The following FBRS variants were observed in gnomAD, a reference collection of about 807,000 sequenced individuals.
The protein encoded by FBRS is probable fibrosin-1.
Under a neutral mutation model 86.1 loss-of-function variants are expected in FBRS, and 15 were observed. The observed-to-expected ratio is 0.17, with a 90% CI of 0.12 to 0.27. The LOEUF (loss-of-function observed/expected upper bound fraction) is 0.27. Among genes scored for constraint, FBRS ranks in the 10% least tolerant of loss-of-function variants. The pLI is 1.00. For missense variants in FBRS, 1,367 were observed against 1,301.6 expected (o/e 1.05, Z -0.77); for synonymous variants, 666 against 575.8 (o/e 1.16, Z -2.24).
chr16:30,668,602 T>C lies in FBRS; in HGVS notation c.2117T>C (p.Leu706Pro), dbSNP rs1428697748. Residue 706 changes from leucine (L) to proline (P), a missense_variant, in exon 16 of 18, where the codon CTC becomes CCC. Physicochemically the swap from Leu to Pro is moderately conservative, Grantham distance 98 (BLOSUM62 -3). Around this residue, in one of 3 missense-constraint regions of FBRS, gnomAD observed 659 missense variants for 678.8 expected, o/e 0.97. Coordinates refer to ENST00000356166, the MANE Select transcript of FBRS (RefSeq NM_001105079.3). ...ACAAGCTTCGCCTCTTTGGCTGCCCTCTCCAACGGGGCCTTTGGAGGCCTG... is the reference window on the plus strand; with the variant it reads ...ACAAGCTTCGCCTCTTTGGCTGCCCCCTCCAACGGGGCCTTTGGAGGCCTG... Reference protein sequence around the residue: ...RPTSFASLAALSNGAFGGLGS... With the variant: ...RPTSFASLAAPSNGAFGGLGS... 2 of 1,611,394 alleles carry C rather than the reference T, an allele frequency of 1.2e-6. No individual in the cohort carries two copies. Among genetic ancestry groups the C allele is most frequent in the African/African-American group, 2.7e-5 (2 of 74,808 alleles).
chr16:30,664,061 AC>A (rs1166292926), intron 6 of FBRS, among the ~76,000 whole-genome samples, 153 bp from the exon 7 acceptor site: 1 of 151,898 alleles, frequency 6.6e-6, no homozygotes, highest in Non-Finnish European at 1.5e-5. Context: ...CAGTCTGAGA[AC>A]GGATTCCCTC....
chr16:30,668,430 C>T, intron 15 of FBRS, 130 bp from the exon 16 acceptor site: 1 of 771,744 alleles, frequency 1.3e-6, no homozygotes. Context: ...CAAGGAAGTG[C>T]TCAGCACATG....
chr16:30,662,446 C>T lies in FBRS; in HGVS notation c.732C>T (p.Ser244=), dbSNP rs764588157. 1 of 1,550,650 alleles carries T rather than the reference C, an allele frequency of 6.4e-7. No homozygotes were observed. The highest frequency in any genetic ancestry group is 8.7e-7 in the Non-Finnish European group (1 of 1,147,014). Residue 244 remains serine, a synonymous_variant, in exon 5 of 18, where the codon TCC becomes TCT. Coordinates refer to ENST00000356166, the MANE Select transcript of FBRS (RefSeq NM_001105079.3). The stretch of plus-strand genomic sequence containing the variant: ...TCTCCGATGATGACCTCGACCCATC[C>T]TTTACTGTCTCAACCAGCAAAGGTT... ...ERVSDDDLDP[S]FTVSTSKASG... is the part of the protein sequence containing the mutation.
chr16:30,662,358 C>A, intron 4 of FBRS, 62 bp from the exon 5 acceptor site: 1 of 1,548,426 alleles, frequency 6.5e-7, no homozygotes, highest in Non-Finnish European at 8.7e-7. Context: ...GCTATTTGGC[C>A]TTCCTGGGTG....
At position 30,665,465 on chromosome 16, in the gene FBRS, C is replaced by G. The variant is rs562492985; in HGVS notation, c.1704+64C>G. On this transcript the variant is annotated intron_variant, in intron 10 of 17. Coordinates refer to ENST00000356166, the MANE Select transcript of FBRS (RefSeq NM_001105079.3). The surrounding 1 kb of genome is among the most constrained non-coding windows in gnomAD (Gnocchi z 4.1). Reference sequence around the variant, plus strand: ...TTGACAAACCCAGACACGCCGGGTCCAAGCACCCTTCTCCCATTCCCCAAA... The same window carrying G: ...TTGACAAACCCAGACACGCCGGGTCGAAGCACCCTTCTCCCATTCCCCAAA... 2.0e-6 allele frequency: 3 copies of G among 1,478,616 alleles called. No individual in the cohort carries two copies. The highest frequency in any genetic ancestry group is 2.5e-5 in the East Asian group (1 of 40,602). 91.6% of individuals were successfully genotyped at this position (1,478,616 alleles called of 1,614,324 possible). A position where few individuals can be genotyped will look rare whatever the true frequency, so the allele number is the denominator to read the frequency against.
rs2052415875 is a variant in FBRS at position 30,658,768 on chromosome 16, T to G, written c.-751T>G. Reference sequence around the variant, plus strand: ...GGAGCTGGGCCCGGAGGAGGCCCCTTTAAATCTCCTTAAAGGGGTGGCCAC... The same window carrying G: ...GGAGCTGGGCCCGGAGGAGGCCCCTGTAAATCTCCTTAAAGGGGTGGCCAC... On this transcript the variant is annotated 5_prime_UTR_variant, in exon 1 of 18. Transcript: ENST00000356166. The G allele has an allele frequency of 6.6e-6, 1 of 152,166 alleles. No individual in the cohort carries two copies. Among genetic ancestry groups the G allele is most frequent in the Non-Finnish European group, 1.5e-5 (1 of 68,038 alleles). 9.4% of individuals were successfully genotyped at this position (152,166 alleles called of 1,614,324 possible).
In FBRS at chr16:30,664,350, A is replaced by G. The variant is rs2052495486; in HGVS notation, c.1191A>G (p.Ser397=). 2 of 1,487,624 alleles carry G rather than the reference A, an allele frequency of 1.3e-6. No homozygotes were observed. The highest frequency in any genetic ancestry group is 2.6e-5 in the South Asian group (2 of 76,138). The allele number at this position is 1,487,624 out of a possible 1,614,324, so 92.2% of individuals were successfully genotyped here. Residue 397 remains serine (S), a synonymous_variant, in exon 7 of 18, where the codon TCA becomes TCG. Coordinates refer to ENST00000356166, the MANE Select transcript of FBRS (RefSeq NM_001105079.3). ...TCACCCACCGGCCCCCGACGCCCTC[A>G]CTGCCCCTGCCTTTGTCCACCCACA... The part of the protein sequence containing the change: ...AQLTHRPPTP[S]LPLPLSTHSF...
Position 30,660,041 on chromosome 16 carries a change from C to T in FBRS, c.459+64C>T, listed in dbSNP as rs1596612235. ...GAGGGGCAGCAAGGAGGGGGCAGTG[C>T]CCCTAGTGGGTGGAGTTGAGGGGGG... On this transcript the variant is annotated intron_variant, in intron 1 of 17. Transcript: ENST00000356166. 3 of 1,516,852 alleles carry T rather than the reference C, an allele frequency of 2.0e-6. No homozygotes were observed. In the South Asian group the frequency reaches 3.7e-5, roughly 19 times the overall value. 94.0% of individuals were successfully genotyped at this position (1,516,852 alleles called of 1,614,324 possible). A position where few individuals can be genotyped will look rare whatever the true frequency, so the allele number is the denominator to read the frequency against.
chr16:30,663,100 C>A, intron 6 of FBRS: 1 of 637,712 alleles, frequency 1.6e-6, no homozygotes, highest in Non-Finnish European at 2.2e-6. Context: ...TTTTTTCAGG[C>A]AGGCAAGTCT....
Position 30,662,578 on chromosome 16 carries a change from C to T in FBRS, c.774C>T (p.Ala258=). The change falls in exon 6 of 18, where the codon GCC becomes GCT. Residue 258 remains alanine (A), a synonymous_variant. Transcript: ENST00000356166. The part of the protein sequence containing the change: ...STSKASGPHG[A]FNGNCEAKLS... ...CCACAGCCTCGGGCCCCCACGGCGC[C>T]TTCAATGGGAACTGTGAAGCAAAAC... 1.3e-6 allele frequency: 2 copies of T among 1,542,542 alleles called. No individual in the cohort carries two copies. Among genetic ancestry groups the T allele is most frequent in the South Asian group, 1.2e-5 (1 of 83,576 alleles).
intron 2 of FBRS, 102 bp from the exon 3 acceptor site, chr16:30,661,076 TGA>T: frequency 6.6e-7 from 1 of 1,518,632 alleles, no homozygotes; most frequent in Non-Finnish European, 8.9e-7. Context: ...AAGGAGAGGC[TGA>T]GAGTAGATCC....
At position 30,669,078 on chromosome 16, in the gene FBRS, C is replaced by A; in HGVS notation, c.2376C>A (p.Pro792=). The change falls in exon 18 of 18, where the codon CCC becomes CCA. Residue 792 remains proline (P), a synonymous_variant. Coordinates refer to ENST00000356166, the MANE Select transcript of FBRS (RefSeq NM_001105079.3). This position sits in a 1 kb window ranked among gnomAD's most constrained non-coding sequence, Gnocchi z 5.9. ...CACGCCTGCCCTCCAGGGACCTCCC[C>A]TTCTCACGGCCCCAGCTCCGAGTTT... The part of the protein sequence containing the change: ...ITKEEKDRDL[P]FSRPQLRVSP... 6.2e-7 allele frequency: 1 copy of A among 1,601,258 alleles called. No individual in the cohort carries two copies. The highest frequency in any genetic ancestry group is 8.5e-7 in the Non-Finnish European group (1 of 1,174,876).
In FBRS at chr16:30,665,407, C is replaced by T; in HGVS notation, c.1704+6C>T. 3 of 1,564,666 alleles carry T rather than the reference C, an allele frequency of 1.9e-6. No individual in the cohort carries two copies. Among genetic ancestry groups the T allele is most frequent in the Middle Eastern group, 1.7e-4 (1 of 6,010 alleles). On this transcript the variant is annotated splice_donor_region_variant and intron_variant, in intron 10 of 17. Transcript: ENST00000356166. This position sits in a 1 kb window ranked among gnomAD's most constrained non-coding sequence, Gnocchi z 4.1. ...AGGGGGCCTTCCAGCCCAAGGTGAG[C>T]TCCCAATCCAGACACCACCACCGCC...
In FBRS at chr16:30,659,823, C is replaced by T. The variant is rs1006686031; in HGVS notation, c.305C>T (p.Ser102Leu). The change falls in exon 1 of 18, where the codon TCG becomes TTG. Residue 102 changes from serine to leucine, a missense_variant. Ser to Leu is a moderately radical substitution (Grantham distance 145, BLOSUM62 -2). This residue lies in a region of FBRS where 702 missense variants were observed against 598.7 expected (regional missense o/e 1.17). Coordinates refer to ENST00000356166, the MANE Select transcript of FBRS (RefSeq NM_001105079.3). ...CGAGCTCGGAAGCGGCCTGCCGGCT[C>T]GGGCAGCCGCGGGGAGGAAGAGGAG... is the stretch of plus-strand genomic sequence containing the variant. ...RPRARKRPAGSGSRGEEEEEE... is the reference protein window; with the variant it reads ...RPRARKRPAGLGSRGEEEEEE... The T allele has an allele frequency of 5.9e-6, 9 of 1,519,348 alleles. No homozygotes were observed. The highest frequency in any genetic ancestry group is 2.4e-5 in the South Asian group (2 of 83,100). The allele number at this position is 1,519,348 out of a possible 1,614,324, so 94.1% of individuals were successfully genotyped here.
At position 30,667,029 on chromosome 16, in the gene FBRS, G is replaced by C. The variant is rs1316857438; in HGVS notation, c.1875+39G>C. The stretch of plus-strand genomic sequence containing the variant: ...AGGGCTGGGGAGAGTGGGTCTCAGA[G>C]TCAGGGGAGGACTGAGCTCTGGGCA... On this transcript the variant is annotated intron_variant, in intron 13 of 17. Transcript: ENST00000356166. 3.2e-6 allele frequency: 5 copies of C among 1,570,274 alleles called. 1 individual carries two copies. The South Asian group carries it at 5.8e-5, about 18-fold the overall frequency.
Position 30,659,707 on chromosome 16 carries a change from C to A in FBRS, c.189C>A (p.Pro63=). 2 of 1,058,442 alleles carry A rather than the reference C, an allele frequency of 1.9e-6. No homozygotes were observed. The highest frequency in any genetic ancestry group is 2.7e-6 in the Non-Finnish European group (2 of 751,336). 65.6% of individuals were successfully genotyped at this position (1,058,442 alleles called of 1,614,324 possible). A position where few individuals can be genotyped will look rare whatever the true frequency, so the allele number is the denominator to read the frequency against. Residue 63 remains proline (P), a synonymous_variant, in exon 1 of 18, where the codon CCC becomes CCA. Coordinates refer to ENST00000356166, the MANE Select transcript of FBRS (RefSeq NM_001105079.3). ...GSSSSSSPPP[P]ARPWSSASSG... ...CGTCCTCGTCGTCGCCGCCGCCGCCCGCCAGGCCTTGGTCGTCAGCTTCGT... is the reference window on the plus strand; with the variant it reads ...CGTCCTCGTCGTCGCCGCCGCCGCCAGCCAGGCCTTGGTCGTCAGCTTCGT...
Position 30,662,745 on chromosome 16 carries a change from T to A in FBRS, c.941T>A (p.Leu314Gln). 1 of 1,534,240 alleles carries A rather than the reference T, an allele frequency of 6.5e-7. No homozygotes were observed. Among genetic ancestry groups the A allele is most frequent in the South Asian group, 1.2e-5 (1 of 82,544 alleles). ...CCTCCTGTCTCACCCCCTGCACCCC[T>A]GCCGGCCACTCCCAGTCTGCCACCC... The part of the protein sequence containing the change: ...PRPPVSPPAP[L>Q]PATPSLPPPP... The change falls in exon 6 of 18, where the codon CTG (leucine) becomes CAG (glutamine). Residue 314 changes from leucine (L) to glutamine (Q), a missense_variant. Leu to Gln is a moderately radical substitution (Grantham distance 113, BLOSUM62 -2). Around this residue, in one of 3 missense-constraint regions of FBRS, gnomAD observed 702 missense variants for 598.7 expected, o/e 1.17. Transcript: ENST00000356166.
intron 6 of FBRS, 80 bp downstream of exon 6, chr16:30,662,939 G>A: frequency 7.5e-7 from 1 of 1,340,386 alleles, no homozygotes. Flanking sequence ...GTACCTGTGG[G>A]GTATGACTTG....
At position 30,664,398 on chromosome 16, in the gene FBRS, GCCC is replaced by G; in HGVS notation, c.1245_1247del (p.Pro418del). On this transcript the variant is annotated inframe_deletion, in exon 7 of 18. Coordinates refer to ENST00000356166, the MANE Select transcript of FBRS (RefSeq NM_001105079.3). Reference sequence around the variant, plus strand: ...ACAGCTTTCCCCCTCCCGGGCTGCGGCCCCCCCCACCACCCCACCACCCCTCCT... The same window carrying G: ...ACAGCTTTCCCCCTCCCGGGCTGCGGCCCCCACCACCCCACCACCCCTCCT... 2 of 1,376,458 alleles carry G rather than the reference GCCC, an allele frequency of 1.5e-6. No individual in the cohort carries two copies. The highest frequency in any genetic ancestry group is 1.9e-6 in the Non-Finnish European group (2 of 1,026,036). 85.3% of individuals were successfully genotyped at this position (1,376,458 alleles called of 1,614,324 possible). A position where few individuals can be genotyped will look rare whatever the true frequency, so the allele number is the denominator to read the frequency against.
Sources: gnomAD v4.1 joint callset for allele counts (sites outside exome capture counted in the v4.1 genomes callset) on GRCh38, gnomAD v4.1.1 for gene constraint, gnomAD v4.1.1 regional missense constraint, Gnocchi (gnomAD v3.1) non-coding constraint, MANE v1.5 for transcripts, NCBI Gene and HGNC (gene_info 2026-07-23, HGNC 2026-07-21) for gene names.